Variants in BANK1 observed in about 807,000 individuals in gnomAD.
BANK1 encodes B-cell scaffold protein with ankyrin repeats.
BANK1 carries 95 observed loss-of-function variants against 94.5 expected under a neutral mutation model. The ratio of observed to expected loss-of-function variants is 1.00; its 90% CI spans 0.85 to 1.19. The LOEUF (loss-of-function observed/expected upper bound fraction) is 1.19. BANK1 is among the 50% of genes most tolerant of loss of function. BANK1 has a pLI of 0.00. For missense variants in BANK1, 987 were observed against 932.2 expected, an observed-to-expected ratio of 1.06 and a Z score of -0.77; for synonymous variants, 334 against 308.4, an observed-to-expected ratio of 1.08 and a Z score of -0.87.
intron 7 of BANK1, among the ~76,000 whole-genome samples, chr4:101,943,499 G>A (rs1055207690): frequency 2.4e-4 from 36 of 151,798 alleles, no homozygotes; most frequent in African/African-American, 8.5e-4. Flanking sequence ...GGGATGGAAG[G>A]GACAGAAGGC....
At chr4:101,837,489 A>T (rs747141163) in intron 2 of BANK1, among the ~76,000 whole-genome samples, 1 of 152,228 alleles carries the variant, frequency 6.6e-6, no homozygotes, top group African/African-American at 2.4e-5. Flanking sequence ...TTTTGTCCCA[A>T]AGAGTTTCTC....
chr4:102,059,328 A>G lies in BANK1; in HGVS notation c.1970-883A>G, dbSNP rs971462027. Reference sequence around the variant, plus strand: ...GATAGTATATTAAGATGTGTTACCTACCCCTCCTGAAATAATACAAAAAGT... The same window carrying G: ...GATAGTATATTAAGATGTGTTACCTGCCCCTCCTGAAATAATACAAAAAGT... On this transcript the variant is annotated intron_variant, in intron 11 of 16. Coordinates refer to ENST00000322953, the MANE Select transcript of BANK1 (RefSeq NM_017935.5). Among the ~76,000 whole-genome samples the G allele has an allele frequency of 2.6e-4, 39 of 152,106 alleles. 1 individual carries two copies. The highest frequency in any genetic ancestry group is 2.6e-3 in the Admixed American group (39 of 15,268).
rs543165243 is a variant in BANK1 at position 101,904,747 on chromosome 4, G to A, written c.1009+9337G>A. The stretch of plus-strand genomic sequence containing the variant: ...ATAGGTACAGAAGTTATAATTGGTC[G>A]AATAGTCCCAGGTCGTCCATCAGGC... On this transcript the variant is annotated intron_variant, in intron 6 of 16. Transcript: ENST00000322953. Among the ~76,000 whole-genome samples, 14 of 152,262 alleles carry A rather than the reference G, an allele frequency of 9.2e-5. No homozygotes were observed. The South Asian group carries it at 1.2e-3, about 14-fold the overall frequency.
At chr4:101,810,253 C>A (rs1430498083) in intron 1 of BANK1, among the ~76,000 whole-genome samples, 2 of 152,138 alleles carry the variant, frequency 1.3e-5, no homozygotes, top group African/African-American at 2.4e-5. Context: ...CAAGTTGAGA[C>A]CCATTTCAAA....
chr4:102,005,330 TATAAA>T lies in BANK1; in HGVS notation c.1207-16178_1207-16174del, dbSNP rs147823781. 9.1e-3 allele frequency among the ~76,000 whole-genome samples: 1,383 copies of T among 152,184 alleles called. 17 individuals are homozygous for T. The highest frequency in any genetic ancestry group is 0.032 in the African/African-American group (1,320 of 41,558). ...AGCATATGATAAATGATTAAAAAAT[TATAAA>T]ATAAATGCATGAACAAAGAAGATGC... On this transcript the variant is annotated intron_variant, in intron 7 of 16. Coordinates refer to ENST00000322953, the MANE Select transcript of BANK1 (RefSeq NM_017935.5).
In BANK1 at chr4:101,974,596, T is replaced by C. The variant is rs1235342092; in HGVS notation, c.1207-46918T>C. On this transcript the variant is annotated intron_variant, in intron 7 of 16. Transcript: ENST00000322953. ...TTGTGCAGTAACAGATTTTTGCCAG[T>C]AATGTTATATGGCCCTAAATCTAAT... Among the ~76,000 whole-genome samples the C allele has an allele frequency of 2.6e-5, 4 of 152,166 alleles. No individual in the cohort carries two copies. In the East Asian group the frequency reaches 5.8e-4, roughly 22 times the overall value.
Position 102,020,490 on chromosome 4 carries a change from A to C in BANK1, c.1207-1024A>C, listed in dbSNP as rs550145121. ...CATTTTCAAAATTCCATGGGAAATT[A>C]GGGACTGTTTTGCTTCTCTGGATGA... On this transcript the variant is annotated intron_variant, in intron 7 of 16. Transcript: ENST00000322953. 6.6e-5 allele frequency among the ~76,000 whole-genome samples: 10 copies of C among 152,226 alleles called. No homozygotes were observed. The South Asian group carries it at 8.3e-4, about 13-fold the overall frequency.
Position 102,042,052 on chromosome 4 carries a change from A to C in BANK1, c.1901-1787A>C, listed in dbSNP as rs186354000. On this transcript the variant is annotated intron_variant, in intron 10 of 16. Transcript: ENST00000322953. ...ATTTATTATCTGAATAGATCTTTGG[A>C]TTCAGGTCATTTCCCATATGAATGA... 4.1e-3 allele frequency among the ~76,000 whole-genome samples: 628 copies of C among 152,136 alleles called. 4 individuals carry two copies. The highest frequency in any genetic ancestry group is 0.014 in the African/African-American group (598 of 41,520).
At chr4:101,906,379 TA>T (rs891889414) in intron 6 of BANK1, among the ~76,000 whole-genome samples, 1 of 152,184 alleles carries the variant, frequency 6.6e-6, no homozygotes, top group Admixed American at 6.5e-5. Context: ...GCCAAGCCTC[TA>T]AATCACCCTC....
chr4:101,972,335 A>C (rs991007796), intron 7 of BANK1: 1 of 152,078 alleles, frequency 6.6e-6, no homozygotes, highest in Non-Finnish European at 1.5e-5. Flanking sequence ...CTATAAATAC[A>C]TTTGTATAGA....
intron 6 of BANK1, among the ~76,000 whole-genome samples, chr4:101,898,160 A>G (rs1434294821): frequency 1.3e-5 from 2 of 151,908 alleles, no homozygotes; most frequent in East Asian, 3.8e-4. Flanking sequence ...AACATAATAT[A>G]TATAATAAGA....
chr4:101,852,470 CTATATATATA>C lies in BANK1; in HGVS notation c.470-2540_470-2531del, dbSNP rs541955636. On this transcript the variant is annotated intron_variant, in intron 2 of 16. Coordinates refer to ENST00000322953, the MANE Select transcript of BANK1 (RefSeq NM_017935.5). ...GAAAGAACCACTCAATATTTTTCGGCTATATATATATATATATATATATATATATATATAC... is the reference window on the plus strand; with the variant it reads ...GAAAGAACCACTCAATATTTTTCGGCTATATATATATATATATATATATAC... Among the ~76,000 whole-genome samples the C allele has an allele frequency of 1.6e-4, 17 of 103,794 alleles. 1 individual carries two copies. The highest frequency in any genetic ancestry group is 1.1e-3 in the Admixed American group (10 of 9,308). The allele number at this position is 103,794 out of a possible 152,430, so 68.1% of individuals were successfully genotyped here. A position where few individuals can be genotyped will look rare whatever the true frequency, so the allele number is the denominator to read the frequency against.
intron 7 of BANK1, among the ~76,000 whole-genome samples, chr4:102,007,109 AT>A (rs1279331341): frequency 3.8e-4 from 22 of 57,332 alleles, no homozygotes; most frequent in Middle Eastern, 0.017. Context: ...TTATATATAT[AT>A]AAATATATAT....
intron 11 of BANK1, among the ~76,000 whole-genome samples, chr4:102,049,010 T>G (rs777236840): frequency 1.3e-5 from 2 of 152,140 alleles, no homozygotes; most frequent in African/African-American, 2.4e-5. Flanking sequence ...ATACTAGTGC[T>G]AGAAATTAGA....
intron 7 of BANK1, among the ~76,000 whole-genome samples, chr4:101,927,821 G>T (rs1723214081): frequency 6.6e-6 from 1 of 151,684 alleles, no homozygotes. Flanking sequence ...AATTTGAAAT[G>T]CCTACTATGT....
intron 7 of BANK1, chr4:101,977,139 G>C (rs1725162443): frequency 1.3e-5 from 2 of 152,120 alleles, no homozygotes. Flanking sequence ...AGTGGCTAAA[G>C]ATGACACTCA....
At chr4:102,007,055 A>T (rs1414784979) in intron 7 of BANK1, among the ~76,000 whole-genome samples, 4 of 123,832 alleles carry the variant, frequency 3.2e-5, no homozygotes, top group African/African-American at 1.2e-4. Context: ...ATATATATAT[A>T]AAATATATAA....
chr4:102,021,654 G>A, intron 8 of BANK1, 62 bp downstream of exon 8: 1 of 661,852 alleles, frequency 1.5e-6, no homozygotes, highest in East Asian at 3.6e-5. Context: ...ATATATATGT[G>A]ACTTATGGAA....
intron 11 of BANK1, 78 bp downstream of exon 11, chr4:102,043,985 T>G (rs1467095749): frequency 7.8e-6 from 6 of 769,780 alleles, no homozygotes; most frequent in African/African-American, 1.7e-5. Context: ...GAGTAAAGCC[T>G]CCTAGGACAG....
Sources: gnomAD v4.1 joint callset for allele counts (sites outside exome capture counted in the v4.1 genomes callset) on GRCh38, gnomAD v4.1.1 for gene constraint, MANE v1.5 for transcripts, NCBI Gene and HGNC (gene_info 2026-07-23, HGNC 2026-07-21) for gene names.